The following CLCN5 variants were observed in gnomAD, a reference collection of about 807,000 sequenced individuals.
The protein encoded by CLCN5 is H(+)/Cl(-) exchange transporter 5.
Under a neutral mutation model 54.0 loss-of-function variants are expected in CLCN5, and 17 were observed. The ratio of observed to expected loss-of-function variants is 0.31; its 90% CI spans 0.22 to 0.47. The LOEUF (loss-of-function observed/expected upper bound fraction) is 0.47, where lower values mean the gene tolerates loss of function less well. CLCN5 is among the 20% of genes least tolerant of loss of function. The probability of loss-of-function intolerance (pLI) is 1.00; values close to 1 mark genes in which losing one functional copy is unlikely to be tolerated. For missense variants in CLCN5, 448 were observed against 646.7 expected (o/e 0.69, Z 3.33); for synonymous variants, 222 against 233.0 (o/e 0.95, Z 0.43).
chrX:50,051,770 G>A (rs1468318028), intron 4 of CLCN5, among the ~76,000 whole-genome samples: 5 of 111,546 alleles, frequency 4.5e-5, no homozygotes, highest in Admixed American at 9.5e-5. Flanking sequence ...GTGGGGTGGG[G>A]TGACTATTGT....
At chrX:49,924,514 A>G (rs1182348500) in intron 2 of CLCN5, among the ~76,000 whole-genome samples, 1 of 112,158 alleles carries the variant, frequency 8.9e-6, no homozygotes, top group Non-Finnish European at 1.9e-5. Context: ...AGTTTTAACA[A>G]CAGGAATTAG....
intron 4 of CLCN5, among the ~76,000 whole-genome samples, chrX:50,069,123 G>A (rs1199696703): frequency 8.9e-6 from 1 of 112,042 alleles, no homozygotes; most frequent in African/African-American, 3.2e-5. Context: ...CAAAGAGCTT[G>A]TAGTCTAGAA....
intron 7 of CLCN5, among the ~76,000 whole-genome samples, chrX:50,078,942 C>A (rs1557192597): frequency 8.9e-6 from 1 of 111,973 alleles, no homozygotes; most frequent in African/African-American, 3.3e-5. Flanking sequence ...CCTGCCTCAG[C>A]CTCCCAAGTA....
At position 50,042,390 on chromosome X, in the gene CLCN5, A is replaced by C; in HGVS notation, c.91A>C (p.Met31Leu). Residue 31 changes from methionine to leucine, a missense_variant, in exon 4 of 15, where the codon ATG (methionine) becomes CTG (leucine). Transcript: ENST00000376091. ...GAACAGCTCCAGTGATGAAGACCTG[A>C]TGGACATTCCAGCAACCGCTATGGA... ...FQNSSSDEDL[M>L]DIPATAMDFS... 1 of 1,168,153 alleles carries C rather than the reference A, an allele frequency of 8.6e-7. No individual in the cohort carries two copies. Among genetic ancestry groups the C allele is most frequent in the Non-Finnish European group, 1.1e-6 (1 of 871,213 alleles).
intron 9 of CLCN5, chrX:50,085,631 C>A: frequency 7.6e-6 from 2 of 263,566 alleles, no homozygotes; most frequent in East Asian, 8.3e-5. Context: ...ATAAATACAT[C>A]ACTGTAAGTA....
intron 4 of CLCN5, among the ~76,000 whole-genome samples, chrX:50,044,136 T>C (rs1476334449): frequency 1.8e-5 from 2 of 111,809 alleles, no homozygotes; most frequent in African/African-American, 6.5e-5. Flanking sequence ...ATAATACATA[T>C]ATAGTGCTTA....
intron 3 of CLCN5, among the ~76,000 whole-genome samples, chrX:50,022,727 G>A (rs1302746882): frequency 1.4e-5 from 1 of 71,642 alleles, no homozygotes. Flanking sequence ...CCTTCATTTC[G>A]TTATGTACCC....
At chrX:50,001,467 C>CTT (rs34025614) in intron 3 of CLCN5, among the ~76,000 whole-genome samples, 1 of 109,791 alleles carries the variant, frequency 9.1e-6, no homozygotes, top group African/African-American at 3.4e-5. Flanking sequence ...CCCATTTACT[C>CTT]TTTTTTTTAA....
At chrX:50,013,728 C>G (rs1930643490) in intron 3 of CLCN5, among the ~76,000 whole-genome samples, 1 of 112,424 alleles carries the variant, frequency 8.9e-6, no homozygotes, top group East Asian at 2.8e-4. Context: ...CTTGCCCTCT[C>G]CTAGCCTTGC....
chrX:50,078,687 T>C (rs1933545019), intron 7 of CLCN5, among the ~76,000 whole-genome samples: 1 of 112,976 alleles, frequency 8.9e-6, no homozygotes. Context: ...TGCCCCTTTA[T>C]AGCTGTATGT....
chrX:50,074,537 T>C (rs6651706), intron 6 of CLCN5, among the ~76,000 whole-genome samples: 1,858 of 111,863 alleles, frequency 0.017, 36 homozygotes, highest in African/African-American at 0.055. Flanking sequence ...GCAGAGAAGA[T>C]TGTGGACCGG....
chrX:49,929,793 T>TG (rs34728905), intron 3 of CLCN5, among the ~76,000 whole-genome samples: 5 of 107,752 alleles, frequency 4.6e-5, no homozygotes, highest in African/African-American at 6.9e-5. Context: ...TTTTTTTTTT[T>TG]GGAGAAGGCG....
intron 7 of CLCN5, among the ~76,000 whole-genome samples, chrX:50,078,710 C>T (rs782050900): frequency 4.4e-5 from 5 of 112,810 alleles, no homozygotes; most frequent in Non-Finnish European, 9.4e-5. Flanking sequence ...GTAAGCATTC[C>T]AACAGTTACT....
intron 3 of CLCN5, among the ~76,000 whole-genome samples, chrX:50,032,622 C>T (rs1178392504): frequency 9.3e-6 from 1 of 107,237 alleles, no homozygotes; most frequent in Non-Finnish European, 1.9e-5. Context: ...GGATATTAGC[C>T]CTTTGTCAGA....
In CLCN5 at chrX:50,057,739, G is replaced by A. The variant is rs923961768; in HGVS notation, c.164-12140G>A. ...GCTACTCCAACTACATTTGCTTCTT[G>A]GCCACTGGACTTAATTGAGTGGGAA... is the stretch of plus-strand genomic sequence containing the variant. On this transcript the variant is annotated intron_variant, in intron 4 of 14. Transcript: ENST00000376091. 9.4e-5 allele frequency among the ~76,000 whole-genome samples: 10 copies of A among 106,656 alleles called. No individual in the cohort carries two copies. In the East Asian group the frequency reaches 2.8e-3, roughly 30 times the overall value. 92.6% of individuals were successfully genotyped at this position (106,656 alleles called of 115,157 possible).
chrX:50,007,121 G>A (rs781904533), intron 3 of CLCN5, among the ~76,000 whole-genome samples: 2 of 111,605 alleles, frequency 1.8e-5, no homozygotes, highest in East Asian at 5.7e-4. Flanking sequence ...GAGCTGTCTC[G>A]GCATTCTTCC....
intron 7 of CLCN5, among the ~76,000 whole-genome samples, chrX:50,076,599 C>T (rs781987916): frequency 9.0e-6 from 1 of 111,444 alleles, no homozygotes; most frequent in South Asian, 3.9e-4. Flanking sequence ...CATAGCTCAC[C>T]ACTGCAGCCT....
intron 3 of CLCN5, among the ~76,000 whole-genome samples, chrX:49,997,348 A>G (rs782498183): frequency 9.0e-6 from 1 of 111,105 alleles, no homozygotes; most frequent in African/African-American, 3.3e-5. Context: ...GCTGATCAGC[A>G]GTGTTTCCAC....
chrX:49,992,208 C>CTTT (rs200172433), intron 3 of CLCN5, among the ~76,000 whole-genome samples: 1 of 84,215 alleles, frequency 1.2e-5, no homozygotes, highest in South Asian at 5.5e-4. Context: ...CTCTTTTTTT[C>CTTT]TTTTTTTTTT....
Sources: allele counts gnomAD v4.1 joint callset (sites outside exome capture counted in the v4.1 genomes callset), GRCh38; gene constraint gnomAD v4.1.1; transcripts MANE v1.5; gene names NCBI Gene and HGNC (gene_info 2026-07-23, HGNC 2026-07-21).